Variants in BACE1 observed in about 807,000 individuals in gnomAD.
BACE1 encodes the protein APP beta-secretase.
Under a neutral mutation model 54.0 loss-of-function variants are expected in BACE1, and 21 were observed. The ratio of observed to expected loss-of-function variants is 0.39; its 90% CI spans 0.28 to 0.56. The LOEUF (loss-of-function observed/expected upper bound fraction) is 0.56. Among genes scored for constraint, BACE1 ranks in the 20% least tolerant of loss-of-function variants. The pLI is 0.63. For missense variants in BACE1, 511 were observed against 661.2 expected (o/e 0.77, Z 2.49); for synonymous variants, 232 against 260.9 (o/e 0.89, Z 1.07).
At position 117,288,632 on chromosome 11, in the gene BACE1, G is replaced by A. The variant is rs1343331962; in HGVS notation, c.*934C>T. On this transcript the variant is annotated 3_prime_UTR_variant, in exon 9 of 9. Coordinates refer to ENST00000313005, the MANE Select transcript of BACE1 (RefSeq NM_012104.6). ...CCCACAGGGCACCTGGAGCTTAGGG[G>A]GTTAGGATATTTCAGTGCTGCCTAT... The A allele has an allele frequency of 6.6e-6, 1 of 152,596 alleles. No individual in the cohort carries two copies. The highest frequency in any genetic ancestry group is 1.5e-5 in the Non-Finnish European group (1 of 68,028). 9.5% of individuals were successfully genotyped at this position (152,596 alleles called of 1,614,324 possible). A position where few individuals can be genotyped will look rare whatever the true frequency, so the allele number is the denominator to read the frequency against.
At chr11:117,301,889 C>G (rs1374503936) in intron 1 of BACE1, among the ~76,000 whole-genome samples, 1 of 152,176 alleles carries the variant, frequency 6.6e-6, no homozygotes, top group Non-Finnish European at 1.5e-5. Flanking sequence ...ATCAGCTCAC[C>G]CTGGAATATC....
rs146363533 is a variant in BACE1 at position 117,306,768 on chromosome 11, G to A, written c.261+8767C>T. ...GGAGGTTGCAGGGAGCCGAGATCGC[G>A]CCACCGCACTCCAGCCTGGGCAACA... is the stretch of plus-strand genomic sequence containing the variant. On this transcript the variant is annotated intron_variant, in intron 1 of 8. Coordinates refer to ENST00000313005, the MANE Select transcript of BACE1 (RefSeq NM_012104.6). Among the ~76,000 whole-genome samples the A allele has an allele frequency of 8.6e-5, 13 of 151,920 alleles. No individual in the cohort carries two copies. The East Asian group carries it at 1.6e-3, about 18-fold the overall frequency.
At chr11:117,292,482 C>G (rs1265695690) in intron 5 of BACE1, 3 of 152,114 alleles carry the variant, frequency 2.0e-5, no homozygotes, top group Non-Finnish European at 4.4e-5. Context: ...CCGCTTTTAA[C>G]TTTTCTTAGT....
At chr11:117,299,448 C>T (rs2034674355) in intron 1 of BACE1, among the ~76,000 whole-genome samples, 1 of 152,080 alleles carries the variant, frequency 6.6e-6, no homozygotes, top group Admixed American at 6.6e-5. Flanking sequence ...TCCTCTCTGG[C>T]TCCTTCCTGC....
At position 117,289,214 on chromosome 11, in the gene BACE1, CTGAA is replaced by C; in HGVS notation, c.*348_*351del. 2.5e-4 allele frequency: 65 copies of C among 255,224 alleles called. No individual in the cohort carries two copies. Among genetic ancestry groups the C allele is most frequent in the East Asian group, 5.6e-4 (7 of 12,514 alleles). 15.8% of individuals were successfully genotyped at this position (255,224 alleles called of 1,614,324 possible). Reference sequence around the variant, plus strand: ...TAACCTGCGTGTGATGCCAGTACTTCTGAAACTAAGAAAAGAAGAATACTTTGGG... The same window carrying C: ...TAACCTGCGTGTGATGCCAGTACTTCACTAAGAAAAGAAGAATACTTTGGG... On this transcript the variant is annotated 3_prime_UTR_variant, in exon 9 of 9. Transcript: ENST00000313005.
chr11:117,294,946 C>T (rs1284008109), intron 3 of BACE1, among the ~76,000 whole-genome samples, 185 bp downstream of exon 3: 1 of 152,112 alleles, frequency 6.6e-6, no homozygotes. Flanking sequence ...CCTATCACAG[C>T]TTCTGTCACT....
Position 117,293,186 on chromosome 11 carries a change from G to A in BACE1, c.708C>T (p.Ile236=). ...ACAGCGAGTGGTCGATACCTCCAATGATCTAGGGAAAAAAAGAGGCAGGTA... is the reference window on the plus strand; with the variant it reads ...ACAGCGAGTGGTCGATACCTCCAATAATCTAGGGAAAAAAAGAGGCAGGTA... ...EVLASVGGSM[I]IGGIDHSLYT... Residue 236 remains isoleucine (I), a splice_region_variant and synonymous_variant, in exon 5 of 9, where the codon ATC becomes ATT. Transcript: ENST00000313005. This position sits in a 1 kb window ranked among gnomAD's most constrained non-coding sequence, Gnocchi z 4.1. 6.2e-7 allele frequency: 1 copy of A among 1,612,946 alleles called. No homozygotes were observed. Among genetic ancestry groups the A allele is most frequent in the Non-Finnish European group, 8.5e-7 (1 of 1,179,646 alleles).
At position 117,316,137 on chromosome 11, in the gene BACE1, C is replaced by T; in HGVS notation, c.-342G>A. On this transcript the variant is annotated 5_prime_UTR_variant, in exon 1 of 9. Coordinates refer to ENST00000313005, the MANE Select transcript of BACE1 (RefSeq NM_012104.6). ...CGGCTTCCCTGGTCCCCCCGGCGGG[C>T]GGCGGCGCGGGCAGGGGCAAGGGCT... The T allele has an allele frequency of 2.5e-6, 1 of 396,830 alleles. No individual in the cohort carries two copies. The highest frequency in any genetic ancestry group is 3.6e-5 in the East Asian group (1 of 27,954). The allele number at this position is 396,830 out of a possible 1,614,324, so 24.6% of individuals were successfully genotyped here.
intron 8 of BACE1, 68 bp downstream of exon 8, chr11:117,290,420 A>G: frequency 6.4e-7 from 1 of 1,567,404 alleles, no homozygotes. Flanking sequence ...ACCCAGGTAT[A>G]CTAACTGTTG....
In BACE1 at chr11:117,293,827, T is replaced by C. The variant is rs1273318711; in HGVS notation, c.705+44A>G. 6.4e-7 allele frequency: 1 copy of C among 1,574,088 alleles called. No homozygotes were observed. Among genetic ancestry groups the C allele is most frequent in the African/African-American group, 1.4e-5 (1 of 73,450 alleles). ...GGAAGGGGAGAGGATGGCACCCATC[T>C]CTCCCTCAATGCCAGGACCTCCCCT... On this transcript the variant is annotated intron_variant, in intron 4 of 8. Transcript: ENST00000313005. This position sits in a 1 kb window ranked among gnomAD's most constrained non-coding sequence, Gnocchi z 4.1.
rs2034494843 is a variant in BACE1, at chr11:117,293,104, T to C, written c.790A>G (p.Ile264Val). The C allele has an allele frequency of 6.2e-7, 1 of 1,614,084 alleles. No individual in the cohort carries two copies. The highest frequency in any genetic ancestry group is 8.5e-7 in the Non-Finnish European group (1 of 1,180,004). The change falls in exon 5 of 9, where the codon ATT becomes GTT. Residue 264 changes from isoleucine to valine, a missense_variant. Ile to Val is a conservative substitution (Grantham distance 29, BLOSUM62 3). This residue lies in a region of BACE1 where 407 missense variants were observed against 565.7 expected (regional missense o/e 0.72). Transcript: ENST00000313005. The surrounding 1 kb of genome is among the most constrained non-coding windows in gnomAD (Gnocchi z 4.1). ...IRREWYYEVIIVRVEINGQDL... is the reference protein window; with the variant it reads ...IRREWYYEVIVVRVEINGQDL... ...TGTCCATTGATCTCCACCCGCACAA[T>C]GATCACCTCATAATACCACTCCCGC...
Position 117,288,464 on chromosome 11 carries a change from T to G in BACE1, c.*1102A>C, listed in dbSNP as rs556927526. 2.6e-5 allele frequency: 4 copies of G among 152,682 alleles called. No individual in the cohort carries two copies. The highest frequency in any genetic ancestry group is 5.9e-5 in the Non-Finnish European group (4 of 68,048). The allele number at this position is 152,682 out of a possible 1,614,324, so 9.5% of individuals were successfully genotyped here. On this transcript the variant is annotated 3_prime_UTR_variant, in exon 9 of 9. Coordinates refer to ENST00000313005, the MANE Select transcript of BACE1 (RefSeq NM_012104.6). ...GCTGTTGAATGAATGTTCAACATTA[T>G]GCTTTTAAGGATTAGATAGAAGAGG...
chr11:117,302,653 C>T (rs750223809), intron 1 of BACE1, among the ~76,000 whole-genome samples: 1 of 152,188 alleles, frequency 6.6e-6, no homozygotes, highest in African/African-American at 2.4e-5. Context: ...GAGGCCAAGG[C>T]GGGCAGATCA....
intron 2 of BACE1, among the ~76,000 whole-genome samples, chr11:117,295,974 G>C (rs28989497): frequency 1.1e-4 from 17 of 152,310 alleles, no homozygotes; most frequent in Admixed American, 2.6e-4. Flanking sequence ...CTGGAACGAG[G>C]AACTGGAGTG....
chr11:117,307,203 G>T (rs769747641), intron 1 of BACE1, among the ~76,000 whole-genome samples: 5 of 152,182 alleles, frequency 3.3e-5, no homozygotes, highest in Non-Finnish European at 5.9e-5. Context: ...AAATGTTCTG[G>T]TTCCTTCCCA....
chr11:117,296,849 C>T lies in BACE1; in HGVS notation c.350+24G>A, dbSNP rs776193556. ...CCTGGATCCTTGGAAAAGGTACTTC[C>T]CCCGGGCTCTCCCCAGGACTCACAG... is the stretch of plus-strand genomic sequence containing the variant. On this transcript the variant is annotated intron_variant, in intron 2 of 8. Coordinates refer to ENST00000313005, the MANE Select transcript of BACE1 (RefSeq NM_012104.6). 1.9e-6 allele frequency: 3 copies of T among 1,581,220 alleles called. No individual in the cohort carries two copies. In the South Asian group the frequency reaches 3.3e-5, roughly 18 times the overall value.
At chr11:117,290,832 C>G in intron 7 of BACE1, 68 bp downstream of exon 7, 1 of 1,579,626 alleles carries the variant, frequency 6.3e-7, no homozygotes, top group South Asian at 1.2e-5. Flanking sequence ...TCTGGCAAGC[C>G]ATACCTGCTC....
rs1049519079 is a variant in BACE1, at chr11:117,289,812, G to A, written c.1265-5C>T. On this transcript the variant is annotated splice_region_variant and splice_polypyrimidine_tract_variant and intron_variant, in intron 8 of 8. Coordinates refer to ENST00000313005, the MANE Select transcript of BACE1 (RefSeq NM_012104.6). Reference sequence around the variant, plus strand: ...CCGTCCTGAACTCATCGTGCACTGGGGAGAGGGCAAATGTGAATGGACAGC... The same window carrying A: ...CCGTCCTGAACTCATCGTGCACTGGAGAGAGGGCAAATGTGAATGGACAGC... 3.7e-6 allele frequency: 6 copies of A among 1,611,498 alleles called. No homozygotes were observed. Among genetic ancestry groups the A allele is most frequent in the Non-Finnish European group, 4.2e-6 (5 of 1,177,800 alleles).
intron 1 of BACE1, among the ~76,000 whole-genome samples, chr11:117,305,973 T>C (rs551644532): frequency 2.6e-5 from 4 of 152,150 alleles, no homozygotes; most frequent in East Asian, 1.9e-4. Flanking sequence ...GAGGCGGAGC[T>C]TGCAGTGAGC....
Sources: gnomAD v4.1 joint callset for allele counts (sites outside exome capture counted in the v4.1 genomes callset) on GRCh38, gnomAD v4.1.1 for gene constraint, gnomAD v4.1.1 regional missense constraint, Gnocchi (gnomAD v3.1) non-coding constraint, MANE v1.5 for transcripts, NCBI Gene and HGNC (gene_info 2026-07-23, HGNC 2026-07-21) for gene names.